Variants in DTNA observed in about 807,000 individuals in gnomAD.
The protein encoded by DTNA is dystrobrevin alpha.
In DTNA, 43 loss-of-function variants were observed where a neutral mutation model predicts 100.7. The observed-to-expected ratio is 0.43, with a 90% confidence interval of 0.33 to 0.55. The LOEUF is 0.55. Ranked by LOEUF, DTNA falls within the 20% of genes least tolerant of loss-of-function variation. The probability of loss-of-function intolerance (pLI) is 0.04; values close to 1 mark genes in which losing one functional copy is unlikely to be tolerated. For synonymous variants in DTNA, 349 were observed against 347.9 expected, an observed-to-expected ratio of 1.00 and a Z score of -0.04; for missense variants, 798 against 953.9, an observed-to-expected ratio of 0.84 and a Z score of 2.15.
chr18:34,705,451 G>C (rs976156685), upstream of DTNA, among the ~76,000 whole-genome samples: 1 of 152,146 alleles, frequency 6.6e-6, no homozygotes, highest in African/African-American at 2.4e-5. Flanking sequence ...TTGCCATTTA[G>C]AATCAGCATG....
chr18:34,815,201 A>AT (rs911104016), intron 6 of DTNA, among the ~76,000 whole-genome samples: 37 of 152,220 alleles, frequency 2.4e-4, no homozygotes, highest in African/African-American at 8.7e-4. Flanking sequence ...ATAAATATGT[A>AT]TTTTTTTATT....
rs760643774 is a variant in DTNA at position 34,838,736 on chromosome 18, C to T, written c.1254-9C>T. On this transcript the variant is annotated splice_polypyrimidine_tract_variant and intron_variant, in intron 12 of 22. Coordinates refer to ENST00000444659, the MANE Select transcript of DTNA (RefSeq NM_001386795.1). ...ACAACACGCTTTCTTTCCCCCTGCCCTGTTTCAGGATACAGTACAGCCTGA... is the reference window on the plus strand; with the variant it reads ...ACAACACGCTTTCTTTCCCCCTGCCTTGTTTCAGGATACAGTACAGCCTGA... 12 of 1,612,096 alleles carry T rather than the reference C, an allele frequency of 7.4e-6. 1 individual carries two copies. The South Asian group carries it at 1.3e-4, about 18-fold the overall frequency.
chr18:34,598,570 T>A (rs2051114563), intron 1 of DTNA, among the ~76,000 whole-genome samples: 1 of 152,174 alleles, frequency 6.6e-6, no homozygotes, highest in African/African-American at 2.4e-5. Flanking sequence ...TTTCTTAAAA[T>A]TTTTAAGGCC....
intron 1 of DTNA, among the ~76,000 whole-genome samples, chr18:34,634,038 C>CA (rs779986364): frequency 6.6e-6 from 1 of 152,092 alleles, no homozygotes; most frequent in Non-Finnish European, 1.5e-5. Flanking sequence ...GCCCCCAGCC[C>CA]AAAAAGGAAA....
At chr18:34,803,272 C>T (rs2149205083) in intron 4 of DTNA, among the ~76,000 whole-genome samples, 1 of 152,066 alleles carries the variant, frequency 6.6e-6, no homozygotes, top group African/African-American at 2.4e-5. Flanking sequence ...GGCTGCCCTC[C>T]ACTTGGTGAT....
chr18:34,888,730 C>A lies in DTNA; in HGVS notation c.*996C>A, dbSNP rs1216391605. On this transcript the variant is annotated 3_prime_UTR_variant, in exon 23 of 23. Transcript: ENST00000444659. ...ATCTCTGCTCTTCCATGGTCTTGTT[C>A]CTCTCGTTTTGGCTTTAGGAAGCAT... 1 of 985,744 alleles carries A rather than the reference C, an allele frequency of 1.0e-6. No homozygotes were observed. The highest frequency in any genetic ancestry group is 1.2e-6 in the Non-Finnish European group (1 of 829,958). 61.1% of individuals were successfully genotyped at this position (985,744 alleles called of 1,614,324 possible). A position where few individuals can be genotyped will look rare whatever the true frequency, so the allele number is the denominator to read the frequency against.
intron 1 of DTNA, among the ~76,000 whole-genome samples, chr18:34,698,342 A>T (rs1007116348): frequency 6.6e-5 from 10 of 152,178 alleles, no homozygotes; most frequent in African/African-American, 2.4e-4. Context: ...TCTGAAATTG[A>T]GGTGCTGGCA....
chr18:34,740,628 A>G (rs2090460576), intron 1 of DTNA, among the ~76,000 whole-genome samples: 1 of 152,072 alleles, frequency 6.6e-6, no homozygotes, highest in Non-Finnish European at 1.5e-5. Flanking sequence ...TGTCTCTATG[A>G]AAAAACTTTA....
chr18:34,653,540 G>A (rs560424677), intron 1 of DTNA, among the ~76,000 whole-genome samples: 57 of 152,132 alleles, frequency 3.7e-4, no homozygotes, highest in Non-Finnish European at 1.8e-4. Context: ...ATACCACTGA[G>A]GGTCAGGTGC....
intron 1 of DTNA, among the ~76,000 whole-genome samples, chr18:34,722,848 A>G (rs373816205): frequency 1.3e-5 from 2 of 152,304 alleles, no homozygotes; most frequent in South Asian, 4.1e-4. Flanking sequence ...TTCACTCAGT[A>G]TAATTGTTTT....
intron 4 of DTNA, among the ~76,000 whole-genome samples, chr18:34,804,781 T>C (rs2095317117): frequency 6.6e-6 from 1 of 152,132 alleles, no homozygotes; most frequent in South Asian, 2.1e-4. Context: ...ATTACATAAA[T>C]CTGGTGCTGA....
At chr18:34,732,915 G>A (rs1292423424) in intron 1 of DTNA, among the ~76,000 whole-genome samples, 2 of 152,162 alleles carry the variant, frequency 1.3e-5, no homozygotes, top group African/African-American at 2.4e-5. Context: ...CACAGGATGA[G>A]TCCGGGGATC....
intron 22 of DTNA, 41 bp from the exon 23 acceptor site, chr18:34,887,725 A>G (rs2096935774): frequency 5.1e-6 from 5 of 985,266 alleles, no homozygotes; most frequent in Non-Finnish European, 4.8e-6. Flanking sequence ...TTTAGAAACA[A>G]TTTGCATCTT....
chr18:34,846,369 A>G (rs2096378236), intron 13 of DTNA, among the ~76,000 whole-genome samples: 1 of 152,176 alleles, frequency 6.6e-6, no homozygotes, highest in Non-Finnish European at 1.5e-5. Context: ...TAATAACATT[A>G]TATTAACTAA....
intron 18 of DTNA, among the ~76,000 whole-genome samples, chr18:34,876,918 T>C (rs1345174818): frequency 6.6e-6 from 1 of 152,224 alleles, no homozygotes; most frequent in Non-Finnish European, 1.5e-5. Context: ...TAATTAATGT[T>C]TTTACTTAAC....
intron 1 of DTNA, among the ~76,000 whole-genome samples, chr18:34,702,037 T>C (rs1033901847): frequency 6.6e-6 from 1 of 152,168 alleles, no homozygotes; most frequent in African/African-American, 2.4e-5. Context: ...TGAGAATAAA[T>C]TTCAGAATCC....
chr18:34,514,936 T>C (rs2041451686), intron 1 of DTNA, among the ~76,000 whole-genome samples: 1 of 152,090 alleles, frequency 6.6e-6, no homozygotes, highest in African/African-American at 2.4e-5. Flanking sequence ...GCAAGATGTG[T>C]GTTTTAATAT....
At chr18:34,737,754 C>A (rs2089902790) in intron 1 of DTNA, 1 of 152,120 alleles carries the variant, frequency 6.6e-6, no homozygotes, top group Non-Finnish European at 1.5e-5. Flanking sequence ...TCTTTGTTTC[C>A]TCCACTATGA....
At chr18:34,836,134 A>G (rs190117424) in intron 11 of DTNA, among the ~76,000 whole-genome samples, 1 of 152,204 alleles carries the variant, frequency 6.6e-6, no homozygotes, top group African/African-American at 2.4e-5. Context: ...TTCAGTAGAC[A>G]AAGTCTGGAA....
Sources: allele counts gnomAD v4.1 joint callset (sites outside exome capture counted in the v4.1 genomes callset), GRCh38; gene constraint gnomAD v4.1.1; transcripts MANE v1.5; gene names NCBI Gene and HGNC (gene_info 2026-07-23, HGNC 2026-07-21).